TUSC3: variants seen among roughly 807,000 people sequenced by gnomAD.
TUSC3 encodes dolichyl-diphosphooligosaccharide--protein glycosyltransferase subunit TUSC3.
Under a neutral mutation model 44.8 loss-of-function variants are expected in TUSC3, and 45 were observed. The observed-to-expected ratio is 1.00, with a 90% CI of 0.79 to 1.29. The LOEUF is 1.29. TUSC3 is among the 50% of genes most tolerant of loss of function. The pLI, the probability that TUSC3 is intolerant of heterozygous loss-of-function variation, is 0.00. For missense variants in TUSC3, 519 were observed against 437.9 expected (o/e 1.19, Z -1.65); for synonymous variants, 212 against 152.9 (o/e 1.39, Z -2.85).
intron 5 of TUSC3, among the ~76,000 whole-genome samples, chr8:15,668,768 G>A (rs1432628903): frequency 6.6e-6 from 1 of 151,700 alleles, no homozygotes; most frequent in Non-Finnish European, 1.5e-5. Context: ...CAGGATTATT[G>A]TCTAGTGTCA....
chr8:15,727,286 ATACT>A (rs1810533883), intron 6 of TUSC3, among the ~76,000 whole-genome samples: 2 of 152,284 alleles, frequency 1.3e-5, no homozygotes, highest in East Asian at 3.9e-4. Flanking sequence ...GACTTTTGCA[ATACT>A]TACTCATTGG....
chr8:15,500,967 A>T (rs771980247), intron 2 of TUSC3, among the ~76,000 whole-genome samples: 3 of 152,202 alleles, frequency 2.0e-5, no homozygotes, highest in Non-Finnish European at 4.4e-5. Context: ...AATTCTTATA[A>T]GGTACAGAAA....
At position 15,705,391 on chromosome 8, in the gene TUSC3, A is replaced by G. The variant is rs187343562; in HGVS notation, c.799-25275A>G. Among the ~76,000 whole-genome samples the G allele has an allele frequency of 4.7e-4, 72 of 152,230 alleles. 1 individual carries two copies. Among genetic ancestry groups the G allele is most frequent in the Middle Eastern group, 3.4e-3 (1 of 294 alleles). The stretch of plus-strand genomic sequence containing the variant: ...CTCCAGAATCTATTCATTTTTATGA[A>G]ACCATTTGTAGAAATCAGAATGAAT... On this transcript the variant is annotated intron_variant, in intron 6 of 10. Transcript: ENST00000503731.
At chr8:15,420,036 T>G (rs1315651273) in intron 1 of TUSC3, among the ~76,000 whole-genome samples, 1 of 152,160 alleles carries the variant, frequency 6.6e-6, no homozygotes, top group Non-Finnish European at 1.5e-5. Flanking sequence ...TATCTGTGGA[T>G]AGCAGGAAAT....
intron 1 of TUSC3, among the ~76,000 whole-genome samples, chr8:15,433,567 C>T (rs895288240): frequency 4.6e-5 from 7 of 151,980 alleles, no homozygotes; most frequent in South Asian, 2.1e-4. Context: ...CCCCTTCACA[C>T]GTATACACAC....
At chr8:15,440,687 T>C (rs1465303989) in intron 1 of TUSC3, among the ~76,000 whole-genome samples, 5 of 152,222 alleles carry the variant, frequency 3.3e-5, no homozygotes, top group African/African-American at 7.2e-5. Flanking sequence ...TATTTCCATG[T>C]GCGAGCTGGT....
chr8:15,794,835 G>C, the TUSC3 span, among the ~76,000 whole-genome samples: 25 of 152,232 alleles, frequency 1.6e-4, no homozygotes, highest in South Asian at 5.2e-3. Flanking sequence ...CTTTGCTCTA[G>C]AGAGACGAAC....
chr8:15,771,808 G>A, the TUSC3 span, among the ~76,000 whole-genome samples: 1 of 152,092 alleles, frequency 6.6e-6, no homozygotes, highest in African/African-American at 2.4e-5. Flanking sequence ...AAGAAGAAAG[G>A]CCGGGCACGG....
chr8:15,495,069 G>T (rs1368372737), intron 2 of TUSC3, among the ~76,000 whole-genome samples: 3 of 152,166 alleles, frequency 2.0e-5, no homozygotes, highest in South Asian at 2.1e-4. Flanking sequence ...CTTTGCTGCT[G>T]CAAAATACAG....
intron 2 of TUSC3, among the ~76,000 whole-genome samples, chr8:15,633,349 G>A (rs1050351039): frequency 4.6e-5 from 7 of 152,192 alleles, no homozygotes; most frequent in Admixed American, 4.6e-4. Context: ...AGTTGAGGCT[G>A]AAGTGGTATT....
At chr8:15,432,437 G>C (rs1364209334) in intron 1 of TUSC3, among the ~76,000 whole-genome samples, 1 of 151,984 alleles carries the variant, frequency 6.6e-6, no homozygotes, top group Non-Finnish European at 1.5e-5. Context: ...ATCCATTAGA[G>C]CACTTATATT....
At chr8:15,800,871 T>TA in the TUSC3 span, among the ~76,000 whole-genome samples, 1 of 152,170 alleles carries the variant, frequency 6.6e-6, no homozygotes, top group African/African-American at 2.4e-5. Context: ...TAAGGTTCTA[T>TA]AACATGCTTG....
intron 6 of TUSC3, among the ~76,000 whole-genome samples, chr8:15,700,076 A>G (rs1809330350): frequency 6.6e-6 from 1 of 152,272 alleles, no homozygotes; most frequent in African/African-American, 2.4e-5. Context: ...TGTTCCTTAG[A>G]TTGAAAACAG....
intron 1 of TUSC3, among the ~76,000 whole-genome samples, chr8:15,428,688 T>A (rs1441123176): frequency 2.6e-5 from 4 of 152,196 alleles, no homozygotes; most frequent in Non-Finnish European, 4.4e-5. Context: ...GATATCTCAT[T>A]GTGGTTTTGA....
intron 1 of TUSC3, among the ~76,000 whole-genome samples, chr8:15,424,491 G>A (rs1799779927): frequency 6.6e-6 from 1 of 152,186 alleles, no homozygotes; most frequent in Non-Finnish European, 1.5e-5. Context: ...TGTGGTTTCT[G>A]AGATTAACGT....
intron 1 of TUSC3, among the ~76,000 whole-genome samples, chr8:15,447,222 T>G (rs1031305916): frequency 1.3e-5 from 2 of 152,146 alleles, no homozygotes; most frequent in Non-Finnish European, 2.9e-5. Context: ...AAACAACTAC[T>G]ATCATATTTG....
chr8:15,753,886 G>C (rs557039847), intron 9 of TUSC3, among the ~76,000 whole-genome samples: 24 of 152,166 alleles, frequency 1.6e-4, no homozygotes, highest in Admixed American at 3.9e-4. Context: ...GCAAAAGCAA[G>C]TGTCAAAGAG....
chr8:15,439,586 A>C (rs114588216), intron 1 of TUSC3, among the ~76,000 whole-genome samples: 91 of 152,310 alleles, frequency 6.0e-4, no homozygotes, highest in Middle Eastern at 3.4e-3. Flanking sequence ...AAACAGAAAA[A>C]CATGAAAGGG....
chr8:15,521,865 A>T (rs1801304386), intron 2 of TUSC3, among the ~76,000 whole-genome samples: 1 of 152,222 alleles, frequency 6.6e-6, no homozygotes, highest in Admixed American at 6.5e-5. Context: ...TTAAGGTTGT[A>T]CATGGTTGAG....
Sources: allele counts gnomAD v4.1 joint callset (sites outside exome capture counted in the v4.1 genomes callset), GRCh38; gene constraint gnomAD v4.1.1; transcripts MANE v1.5; gene names NCBI Gene and HGNC (gene_info 2026-07-23, HGNC 2026-07-21).